TMEM232: variants seen among roughly 807,000 people sequenced by gnomAD.
The protein encoded by TMEM232 is transmembrane protein 232.
In TMEM232, 80 loss-of-function variants were observed where a neutral mutation model predicts 78.8. The ratio of observed to expected loss-of-function variants is 1.01; its 90% CI spans 0.85 to 1.22. TMEM232 has a LOEUF of 1.22. TMEM232 is among the 50% of genes most tolerant of loss of function. TMEM232 has a pLI of 0.00. For synonymous variants in TMEM232, 297 were observed against 254.3 expected, an observed-to-expected ratio of 1.17 and a Z score of -1.60; for missense variants, 881 against 742.2, an observed-to-expected ratio of 1.19 and a Z score of -2.17.
intron 2 of TMEM232, among the ~76,000 whole-genome samples, chr5:110,662,381 G>C (rs1324921007): frequency 6.6e-6 from 1 of 151,996 alleles, no homozygotes; most frequent in East Asian, 1.9e-4. Context: ...TAAATGAAGA[G>C]ATATACCATG....
At chr5:110,592,422 A>AT (rs1219288807) in intron 10 of TMEM232, among the ~76,000 whole-genome samples, 1 of 152,174 alleles carries the variant, frequency 6.6e-6, no homozygotes, top group Non-Finnish European at 1.5e-5. Flanking sequence ...CACTAGTACT[A>AT]TTTATGGCTT....
At chr5:110,624,425 T>C (rs1784156801) in intron 7 of TMEM232, among the ~76,000 whole-genome samples, 1 of 152,100 alleles carries the variant, frequency 6.6e-6, no homozygotes, top group Admixed American at 6.6e-5. Flanking sequence ...AAATGGAAGT[T>C]TGGCGAGATT....
intron 10 of TMEM232, among the ~76,000 whole-genome samples, chr5:110,598,426 G>C (rs1384030647): frequency 6.6e-5 from 10 of 152,158 alleles, no homozygotes; most frequent in Non-Finnish European, 1.2e-4. Flanking sequence ...CTGTAAACTA[G>C]TTCAACCATT....
intron 2 of TMEM232, among the ~76,000 whole-genome samples, chr5:110,666,339 A>C (rs1033610033): frequency 3.3e-5 from 5 of 152,128 alleles, no homozygotes; most frequent in African/African-American, 4.8e-5. Context: ...TTTTTCTTTT[A>C]AACATTTCTA....
At chr5:110,436,885 T>C (rs2112724268) in intron 12 of TMEM232, among the ~76,000 whole-genome samples, 1 of 152,180 alleles carries the variant, frequency 6.6e-6, no homozygotes, top group South Asian at 2.1e-4. Context: ...TCAGGTAATG[T>C]TATTCCTCGA....
At chr5:110,416,654 A>T (rs978997610), downstream of TMEM232, among the ~76,000 whole-genome samples, 1 of 152,240 alleles carries the variant, frequency 6.6e-6, no homozygotes, top group Non-Finnish European at 1.5e-5. Flanking sequence ...AAGGACACTC[A>T]GAAAATAATT....
exon 2 of TMEM232, chr5:110,734,999 A>C (rs1435061510): frequency 6.6e-6 from 1 of 152,238 alleles, no homozygotes; most frequent in Non-Finnish European, 1.5e-5. Flanking sequence ...CCTTGGCAAC[A>C]CAGTGATGCC....
At chr5:110,730,588 G>A (rs1195827508), upstream of TMEM232, among the ~76,000 whole-genome samples, 4 of 152,140 alleles carry the variant, frequency 2.6e-5, no homozygotes, top group African/African-American at 7.2e-5. Context: ...GAATCATGGC[G>A]GGAGGTGAAA....
At chr5:110,531,000 T>C (rs1218092606) in intron 11 of TMEM232, among the ~76,000 whole-genome samples, 1 of 152,204 alleles carries the variant, frequency 6.6e-6, no homozygotes, top group African/African-American at 2.4e-5. Context: ...CACATCCAGA[T>C]GGCCGGTTCC....
chr5:110,428,829 C>G (rs969118818), intron 12 of TMEM232, among the ~76,000 whole-genome samples: 2 of 151,674 alleles, frequency 1.3e-5, no homozygotes, highest in African/African-American at 4.8e-5. Context: ...CACTCTCTCT[C>G]CAAAGAAGGT....
At chr5:110,456,129 T>C (rs1017441237) in intron 12 of TMEM232, among the ~76,000 whole-genome samples, 2 of 152,142 alleles carry the variant, frequency 1.3e-5, no homozygotes, top group Non-Finnish European at 2.9e-5. Context: ...TTAAAAATCA[T>C]TTGAAATCCA....
In TMEM232 at chr5:110,556,217, ATTT is replaced by A. The variant is rs1281055278; in HGVS notation, c.1455+12227_1455+12229del. 1.6e-4 allele frequency among the ~76,000 whole-genome samples: 24 copies of A among 152,154 alleles called. No homozygotes were observed. In the East Asian group the frequency reaches 4.1e-3, roughly 26 times the overall value. ...CTTAGTATTCGCTTGTTTGAAAATG[ATTT>A]TATTTCTCCTTCACTTATGAAGATT... On this transcript the variant is annotated intron_variant, in intron 11 of 13. Transcript: ENST00000455884.
chr5:110,502,120 G>C (rs1431617575), intron 12 of TMEM232, among the ~76,000 whole-genome samples: 2 of 152,104 alleles, frequency 1.3e-5, no homozygotes, highest in African/African-American at 2.4e-5. Flanking sequence ...TTATTAAAGG[G>C]AAACTTCAAG....
chr5:110,448,365 A>G (rs1216806967), intron 12 of TMEM232, among the ~76,000 whole-genome samples: 6 of 152,090 alleles, frequency 3.9e-5, no homozygotes, highest in Non-Finnish European at 8.8e-5. Flanking sequence ...AATAACAAAG[A>G]GTAATAGTAG....
At chr5:110,737,958 AAT>A (rs1328113713) in intron 1 of TMEM232, 1 of 155,920 alleles carries the variant, frequency 6.4e-6, no homozygotes, top group Admixed American at 6.5e-5. Context: ...ACGCTATCAA[AAT>A]ATCTCATGTA....
chr5:110,522,532 A>G (rs893587573), intron 12 of TMEM232, among the ~76,000 whole-genome samples: 10 of 152,156 alleles, frequency 6.6e-5, no homozygotes, highest in South Asian at 4.1e-4. Context: ...ATCGAGTATG[A>G]TGTTAGCTGT....
intron 12 of TMEM232, among the ~76,000 whole-genome samples, chr5:110,471,343 A>AAAAT (rs2149375529): frequency 6.6e-6 from 1 of 152,258 alleles, no homozygotes; most frequent in African/African-American, 2.4e-5. Flanking sequence ...CTTACTTAAT[A>AAAAT]AAATAATTGG....
intron 10 of TMEM232, among the ~76,000 whole-genome samples, chr5:110,577,422 G>A (rs903089696): frequency 5.9e-5 from 9 of 152,128 alleles, no homozygotes; most frequent in Admixed American, 3.3e-4. Context: ...TACACTGTTG[G>A]TGGGAGTAAA....
In TMEM232 at chr5:110,638,341, G is replaced by A. The variant is rs761687573; in HGVS notation, c.358C>T (p.Leu120Phe). The change falls in exon 5 of 14, where the codon CTT becomes TTT. Residue 120 changes from leucine to phenylalanine, a missense_variant. Coordinates refer to ENST00000455884, the MANE Select transcript of TMEM232 (RefSeq NM_001039763.4). Reference protein sequence around the residue: ...GEIQDESLNMLYASLDHASFD... With the variant: ...GEIQDESLNMFYASLDHASFD... ...GAAGCATGGTCCAGAGATGCATAAA[G>A]CATATTTAAAGATTCTGAAATATTA... 2 of 1,535,922 alleles carry A rather than the reference G, an allele frequency of 1.3e-6. No homozygotes were observed. Among genetic ancestry groups the A allele is most frequent in the African/African-American group, 1.4e-5 (1 of 72,020 alleles).
Sources: gnomAD v4.1 joint callset for allele counts (sites outside exome capture counted in the v4.1 genomes callset) on GRCh38, gnomAD v4.1.1 for gene constraint, MANE v1.5 for transcripts, NCBI Gene and HGNC (gene_info 2026-07-23, HGNC 2026-07-21) for gene names.